SGMS1: variants seen among roughly 807,000 people sequenced by gnomAD.
SGMS1 encodes the protein sphingomyelin synthase 1.
Under a neutral mutation model 46.2 loss-of-function variants are expected in SGMS1, and 13 were observed. The ratio of observed to expected loss-of-function variants is 0.28; its 90% CI spans 0.18 to 0.45. The LOEUF (loss-of-function observed/expected upper bound fraction) is 0.45, where lower values mean the gene tolerates loss of function less well. SGMS1 is among the 20% of genes least tolerant of loss of function. The pLI is 1.00. For missense variants in SGMS1, 324 were observed against 519.9 expected (o/e 0.62, Z 3.66); for synonymous variants, 203 against 187.8 (o/e 1.08, Z -0.66).
chr10:50,479,943 T>G (rs1837461317), intron 3 of SGMS1, among the ~76,000 whole-genome samples: 1 of 152,118 alleles, frequency 6.6e-6, no homozygotes, highest in African/African-American at 2.4e-5. Context: ...TATGGGCCCA[T>G]GAGGAGTATG....
At chr10:50,308,606 A>G (rs1847210258) in intron 9 of SGMS1, among the ~76,000 whole-genome samples, 1 of 152,098 alleles carries the variant, frequency 6.6e-6, no homozygotes, top group Admixed American at 6.5e-5. Context: ...TTCTGCAACC[A>G]TACACTAATC....
At chr10:50,333,093 C>T (rs1446765628) in intron 7 of SGMS1, among the ~76,000 whole-genome samples, 2 of 152,172 alleles carry the variant, frequency 1.3e-5, no homozygotes, top group Non-Finnish European at 1.5e-5. Flanking sequence ...CCAATTCCTT[C>T]AAATTTTGTT....
At chr10:50,341,445 A>G (rs751466719) in intron 7 of SGMS1, 6 of 455,930 alleles carry the variant, frequency 1.3e-5, no homozygotes, top group Non-Finnish European at 2.2e-5. Context: ...CTATCCCGCC[A>G]GAGGTGAAAA....
At chr10:50,545,488 G>A (rs1178571607) in intron 2 of SGMS1, among the ~76,000 whole-genome samples, 1 of 152,182 alleles carries the variant, frequency 6.6e-6, no homozygotes, top group Non-Finnish European at 1.5e-5. Flanking sequence ...CCAGGCTAGA[G>A]TGCAGTGGTG....
intron 2 of SGMS1, among the ~76,000 whole-genome samples, chr10:50,541,514 G>C (rs1004028818): frequency 6.6e-6 from 1 of 152,062 alleles, no homozygotes; most frequent in Non-Finnish European, 1.5e-5. Context: ...ATGATGACTC[G>C]AGCTCTTCCC....
chr10:50,489,804 T>C (rs1271442810), intron 3 of SGMS1, among the ~76,000 whole-genome samples: 1 of 152,012 alleles, frequency 6.6e-6, no homozygotes, highest in African/African-American at 2.4e-5. Context: ...TGAAACCTCA[T>C]CTCTACTAAA....
intron 2 of SGMS1, among the ~76,000 whole-genome samples, chr10:50,546,107 A>C (rs1047202662): frequency 5.3e-5 from 8 of 152,100 alleles, no homozygotes; most frequent in African/African-American, 1.9e-4. Flanking sequence ...CTTGATGGCC[A>C]CCAGGTGACC....
chr10:50,439,944 G>A (rs1849519992), intron 5 of SGMS1, among the ~76,000 whole-genome samples: 1 of 152,128 alleles, frequency 6.6e-6, no homozygotes, highest in African/African-American at 2.4e-5. Flanking sequence ...CCAAAGCATT[G>A]AGGTAAGTGC....
chr10:50,398,971 T>C (rs1310646791), intron 6 of SGMS1, among the ~76,000 whole-genome samples: 3 of 152,082 alleles, frequency 2.0e-5, no homozygotes, highest in Non-Finnish European at 2.9e-5. Context: ...GGAAACACTT[T>C]AGAGACAGAA....
intron 1 of SGMS1, among the ~76,000 whole-genome samples, chr10:50,595,348 T>C (rs1838581181): frequency 6.6e-6 from 1 of 152,118 alleles, no homozygotes; most frequent in Admixed American, 6.5e-5. Flanking sequence ...GCTAACGTTT[T>C]TGTGCTTTTA....
intron 6 of SGMS1, among the ~76,000 whole-genome samples, chr10:50,406,399 T>A (rs1018913766): frequency 6.6e-6 from 1 of 152,140 alleles, no homozygotes; most frequent in African/African-American, 2.4e-5. Context: ...CGCCCATGAA[T>A]AGCTTTCCCT....
chr10:50,517,183 T>C (rs1837813840), intron 3 of SGMS1, among the ~76,000 whole-genome samples: 1 of 152,210 alleles, frequency 6.6e-6, no homozygotes, highest in Non-Finnish European at 1.5e-5. Context: ...TATTAGCATG[T>C]AATCCATACT....
At chr10:50,419,118 G>A (rs1462447740) in intron 6 of SGMS1, among the ~76,000 whole-genome samples, 1 of 151,986 alleles carries the variant, frequency 6.6e-6, no homozygotes, top group Non-Finnish European at 1.5e-5. Flanking sequence ...ATAGGGTTCA[G>A]GACCATCGAG....
At chr10:50,380,653 G>A (rs1283653651) in intron 6 of SGMS1, among the ~76,000 whole-genome samples, 2 of 152,036 alleles carry the variant, frequency 1.3e-5, no homozygotes, top group South Asian at 2.1e-4. Flanking sequence ...AATGAGGTGT[G>A]GGCTACTGAA....
At chr10:50,596,561 A>T (rs543527452) in intron 1 of SGMS1, among the ~76,000 whole-genome samples, 15 of 152,326 alleles carry the variant, frequency 9.8e-5, no homozygotes, top group Non-Finnish European at 1.9e-4. Flanking sequence ...TCAACCCTTT[A>T]TGATATCATT....
chr10:50,549,354 C>G (rs528931400), intron 2 of SGMS1, among the ~76,000 whole-genome samples: 1 of 152,106 alleles, frequency 6.6e-6, no homozygotes, highest in South Asian at 2.1e-4. Context: ...TGGAATACTA[C>G]GAAGCCATAA....
intron 2 of SGMS1, among the ~76,000 whole-genome samples, chr10:50,531,383 T>A (rs943397430): frequency 2.0e-5 from 3 of 152,228 alleles, no homozygotes; most frequent in African/African-American, 7.2e-5. Flanking sequence ...TTATTTTTTT[T>A]TTTATAAATT....
chr10:50,414,863 C>T (rs1036943178), intron 6 of SGMS1, among the ~76,000 whole-genome samples: 3 of 152,218 alleles, frequency 2.0e-5, no homozygotes, highest in Non-Finnish European at 4.4e-5. Context: ...TCAAGTCTGA[C>T]ATTACGCCAC....
intron 2 of SGMS1, among the ~76,000 whole-genome samples, chr10:50,573,263 G>T (rs1180916670): frequency 6.6e-6 from 1 of 151,986 alleles, no homozygotes; most frequent in Non-Finnish European, 1.5e-5. Context: ...AGATATAAAA[G>T]GTATCCAATG....
Sources: gnomAD v4.1 joint callset for allele counts (sites outside exome capture counted in the v4.1 genomes callset) on GRCh38, gnomAD v4.1.1 for gene constraint, MANE v1.5 for transcripts, NCBI Gene and HGNC (gene_info 2026-07-23, HGNC 2026-07-21) for gene names.